The following CASR variants were observed in gnomAD, a reference collection of about 807,000 sequenced individuals.
CASR encodes the protein extracellular calcium-sensing receptor.
In CASR, 23 loss-of-function variants were observed where a neutral mutation model predicts 69.1. That is an observed-to-expected ratio of 0.33 (90% confidence interval 0.24 to 0.47). The LOEUF (loss-of-function observed/expected upper bound fraction) is 0.47. Ranked by LOEUF, CASR falls within the 20% of genes least tolerant of loss-of-function variation. The pLI, the probability that CASR is intolerant of heterozygous loss-of-function variation, is 1.00. For synonymous variants in CASR, 541 were observed against 544.7 expected, an observed-to-expected ratio of 0.99 and a Z score of 0.10; for missense variants, 924 against 1,356.1, an observed-to-expected ratio of 0.68 and a Z score of 5.00.
At chr3:122,189,775 G>C (rs1048381866) in intron 1 of CASR, among the ~76,000 whole-genome samples, 3 of 152,144 alleles carry the variant, frequency 2.0e-5, no homozygotes, top group African/African-American at 7.2e-5. Context: ...AAAGAAGCAG[G>C]CTCAAAGAAA....
At chr3:122,252,445 G>GAAAGAAAGAAAGAAAGAAAGAAAGAAAGA (rs1559954401) in intron 1 of CASR, among the ~76,000 whole-genome samples, 1 of 67,780 alleles carries the variant, frequency 1.5e-5, no homozygotes, top group Non-Finnish European at 2.8e-5. Flanking sequence ...AAGAAAGAAA[G>GAAAGAAAGAAAGAAAGAAAGAAAGAAAGA]AAAAAAAAGA....
chr3:122,213,642 C>A (rs1194258547), intron 1 of CASR, among the ~76,000 whole-genome samples: 3 of 152,116 alleles, frequency 2.0e-5, no homozygotes, highest in South Asian at 2.1e-4. Flanking sequence ...TGTTAATAAC[C>A]CACTTTAGTA....
At chr3:122,280,012 AT>A (rs1281503253) in intron 5 of CASR, among the ~76,000 whole-genome samples, 2 of 151,972 alleles carry the variant, frequency 1.3e-5, no homozygotes. Context: ...ATGTGTTCCC[AT>A]TGTTCAGCTC....
intron 4 of CASR, among the ~76,000 whole-genome samples, chr3:122,268,524 G>A (rs1029607762): frequency 1.3e-5 from 2 of 152,096 alleles, no homozygotes; most frequent in Non-Finnish European, 2.9e-5. Flanking sequence ...TTGAACCCTG[G>A]GTGTTCAACA....
chr3:122,202,742 T>C (rs1051456778), intron 1 of CASR, among the ~76,000 whole-genome samples: 2 of 152,242 alleles, frequency 1.3e-5, no homozygotes, highest in African/African-American at 2.4e-5. Context: ...TTAAGAATAG[T>C]TATAAAGACA....
At position 122,283,741 on chromosome 3, in the gene CASR, C is replaced by T. The variant is rs1348036340; in HGVS notation, c.1787C>T (p.Thr596Ile). The T allele has an allele frequency of 6.2e-7, 1 of 1,613,952 alleles. No homozygotes were observed. The highest frequency in any genetic ancestry group is 1.3e-5 in the African/African-American group (1 of 74,918). Reference protein sequence around the residue: ...PDDFWSNENHTSCIAKEIEFL... With the variant: ...PDDFWSNENHISCIAKEIEFL... ...GACTTCTGGTCCAATGAGAACCACA[C>T]CTCCTGCATTGCCAAGGAGATCGAG... Residue 596 changes from threonine to isoleucine, a missense_variant, in exon 7 of 7, where the codon ACC becomes ATC. This residue lies in a region of CASR where 18 missense variants were observed against 57.9 expected (regional missense o/e 0.31). Transcript: ENST00000639785.
rs2107655220 is a variant in CASR, at chr3:122,290,345, C to T, written c.*5154C>T. 6.6e-6 allele frequency: 1 copy of T among 152,196 alleles called. No homozygotes were observed. The highest frequency in any genetic ancestry group is 2.1e-4 in the South Asian group (1 of 4,818). The allele number at this position is 152,196 out of a possible 1,614,324, so 9.4% of individuals were successfully genotyped here. A position where few individuals can be genotyped will look rare whatever the true frequency, so the allele number is the denominator to read the frequency against. The stretch of plus-strand genomic sequence containing the variant: ...GTCATTACAGGATTTCCTGTAAAGG[C>T]ATCAGGAAATGTTTTTGGAAGAATG... On this transcript the variant is annotated 3_prime_UTR_variant, in exon 7 of 7. Coordinates refer to ENST00000639785, the MANE Select transcript of CASR (RefSeq NM_000388.4).
intron 1 of CASR, among the ~76,000 whole-genome samples, chr3:122,222,450 G>T (rs2074181155): frequency 6.6e-6 from 1 of 152,102 alleles, no homozygotes; most frequent in South Asian, 2.1e-4. Flanking sequence ...ACATACAACA[G>T]ACTTTAAACC....
intron 1 of CASR, among the ~76,000 whole-genome samples, chr3:122,218,568 A>T (rs1024612147): frequency 2.0e-5 from 3 of 149,138 alleles, no homozygotes; most frequent in African/African-American, 7.4e-5. Flanking sequence ...AAAGTTATTT[A>T]CAAGGTAAAA....
rs2073973233 is a variant in CASR, at chr3:122,203,012, C to T, written c.-243+19200C>T. ...CTCTGTTCTGTACTGTTTGTCTTCC[C>T]TGCCATTATCAACTATCTCAATTAT... On this transcript the variant is annotated intron_variant, in intron 1 of 6. Transcript: ENST00000639785. Among the ~76,000 whole-genome samples, 4 of 152,300 alleles carry T rather than the reference C, an allele frequency of 2.6e-5. No homozygotes were observed. The South Asian group carries it at 8.3e-4, about 32-fold the overall frequency.
At chr3:122,186,725 CT>C (rs1035671971) in intron 1 of CASR, among the ~76,000 whole-genome samples, 23 of 152,150 alleles carry the variant, frequency 1.5e-4, no homozygotes, top group Non-Finnish European at 7.4e-5. Context: ...CCAGGGAAGC[CT>C]TTCTCAAGGA....
At position 122,286,776 on chromosome 3, in the gene CASR, A is replaced by T. The variant is rs998201257; in HGVS notation, c.*1585A>T. 5 of 152,270 alleles carry T rather than the reference A, an allele frequency of 3.3e-5. No individual in the cohort carries two copies. The highest frequency in any genetic ancestry group is 7.3e-5 in the Non-Finnish European group (5 of 68,058). The allele number at this position is 152,270 out of a possible 1,614,324, so 9.4% of individuals were successfully genotyped here. A position where few individuals can be genotyped will look rare whatever the true frequency, so the allele number is the denominator to read the frequency against. On this transcript the variant is annotated 3_prime_UTR_variant, in exon 7 of 7. Transcript: ENST00000639785. ...CAGGGAAGACCATCACCAGTCTAGC[A>T]GGAGGTTCTAAGCTGAGGCCAAACC...
intron 1 of CASR, among the ~76,000 whole-genome samples, chr3:122,197,705 T>G (rs2073903474): frequency 6.6e-6 from 1 of 152,220 alleles, no homozygotes; most frequent in Non-Finnish European, 1.5e-5. Context: ...ATTGATCTCC[T>G]AAACTCATCA....
rs1047297738 is a variant in CASR at position 122,290,974 on chromosome 3, G to A, written c.*5783G>A. The stretch of plus-strand genomic sequence containing the variant: ...GATTCCCACCTATGAGTGAGAATAC[G>A]TGGTGTTTGGTTTTTTGTCCTTGTA... On this transcript the variant is annotated 3_prime_UTR_variant, in exon 7 of 7. Transcript: ENST00000639785. 4 of 150,644 alleles carry A rather than the reference G, an allele frequency of 2.7e-5. No individual in the cohort carries two copies. Among genetic ancestry groups the A allele is most frequent in the Non-Finnish European group, 1.5e-5 (1 of 67,884 alleles). The allele number at this position is 150,644 out of a possible 1,614,324, so 9.3% of individuals were successfully genotyped here. A position where few individuals can be genotyped will look rare whatever the true frequency, so the allele number is the denominator to read the frequency against.
intron 1 of CASR, among the ~76,000 whole-genome samples, chr3:122,185,984 G>A (rs1415010329): frequency 1.8e-5 from 1 of 54,128 alleles, no homozygotes; most frequent in Non-Finnish European, 4.3e-5. Context: ...GTTACTTCCT[G>A]CCAATACAGC....
intron 1 of CASR, among the ~76,000 whole-genome samples, chr3:122,201,212 A>G (rs1029480815): frequency 2.0e-5 from 3 of 151,950 alleles, no homozygotes; most frequent in Non-Finnish European, 4.4e-5. Flanking sequence ...CCCAACGAGC[A>G]TGTTGCCTTC....
intron 1 of CASR, among the ~76,000 whole-genome samples, chr3:122,240,828 G>A (rs1295021364): frequency 1.3e-5 from 2 of 151,978 alleles, no homozygotes; most frequent in Non-Finnish European, 2.9e-5. Context: ...ATAATATCAA[G>A]CATTGTCTTT....
Position 122,261,856 on chromosome 3 carries a change from C to T in CASR, c.821C>T (p.Pro274Leu), listed in dbSNP as rs1005301601. Residue 274 changes from proline (P) to leucine (L), a missense_variant, in exon 4 of 7, where the codon CCA (proline) becomes CTA (leucine). Around this residue, in one of 8 missense-constraint regions of CASR, gnomAD observed 310 missense variants for 395.7 expected, o/e 0.78. Transcript: ENST00000639785. ...AKVIVVFSSG[P>L]DLEPLIKEIV... ...GTCATCGTGGTTTTCTCCAGTGGCC[C>T]AGATCTTGAGCCCCTCATCAAGGAG... 4 of 1,614,216 alleles carry T rather than the reference C, an allele frequency of 2.5e-6. No individual in the cohort carries two copies. The highest frequency in any genetic ancestry group is 3.4e-6 in the Non-Finnish European group (4 of 1,180,040).
Position 122,261,532 on chromosome 3 carries a change from G to C in CASR, c.497G>C (p.Ser166Thr), listed in dbSNP as rs1417148850. ...LLGLFYIPQV[S>T]YASSSRLLSN... is the part of the protein sequence containing the mutation. ...CATGTTCTTGGTTCTCTCCAGGTCA[G>C]TTATGCCTCCTCCAGCAGACTCCTC... is the stretch of plus-strand genomic sequence containing the variant. The change falls in exon 4 of 7, where the codon AGT (serine) becomes ACT (threonine). Residue 166 changes from serine to threonine, a missense_variant. Physicochemically the swap from Ser to Thr is moderately conservative, Grantham distance 58. This residue lies in a region of CASR where 141 missense variants were observed against 283.0 expected (regional missense o/e 0.50). Coordinates refer to ENST00000639785, the MANE Select transcript of CASR (RefSeq NM_000388.4). 6.2e-7 allele frequency: 1 copy of C among 1,614,082 alleles called. No individual in the cohort carries two copies. The highest frequency in any genetic ancestry group is 1.7e-5 in the Admixed American group (1 of 60,022).
Sources: allele counts gnomAD v4.1 joint callset (sites outside exome capture counted in the v4.1 genomes callset), GRCh38; gene constraint gnomAD v4.1.1; regional missense constraint gnomAD v4.1.1; transcripts MANE v1.5; gene names NCBI Gene and HGNC (gene_info 2026-07-23, HGNC 2026-07-21).